DGKB: variants seen among roughly 807,000 people sequenced by gnomAD.
DGKB encodes the protein 90 kDa diacylglycerol kinase.
Under a neutral mutation model 114.3 loss-of-function variants are expected in DGKB, and 67 were observed. The ratio of observed to expected loss-of-function variants is 0.59; its 90% CI spans 0.48 to 0.72. The LOEUF is 0.72. Among genes scored for constraint, DGKB ranks in the 30% least tolerant of loss-of-function variants. The pLI is 0.00. For synonymous variants in DGKB, 398 were observed against 323.1 expected, an observed-to-expected ratio of 1.23 and a Z score of -2.49; for missense variants, 907 against 975.2, an observed-to-expected ratio of 0.93 and a Z score of 0.93.
intron 23 of DGKB, among the ~76,000 whole-genome samples, chr7:14,306,989 T>G (rs73263911): frequency 0.039 from 5,899 of 152,218 alleles, 355 homozygotes; most frequent in African/African-American, 0.13. Context: ...CCCTAATCTT[T>G]TCAACAGATT....
intron 21 of DGKB, among the ~76,000 whole-genome samples, chr7:14,457,450 T>TA (rs1563223067): frequency 6.6e-6 from 1 of 152,224 alleles, no homozygotes. Context: ...TTGGAAACTT[T>TA]AAAAAATAAT....
At position 14,567,280 on chromosome 7, in the gene DGKB, TTA is replaced by T. The variant is rs568238983; in HGVS notation, c.1770+6930_1770+6931del. On this transcript the variant is annotated intron_variant, in intron 20 of 25. Coordinates refer to ENST00000402815, the MANE Select transcript of DGKB (RefSeq NM_001350709.2). ...TTTATATATTATATATATAATTATA[TTA>T]TATATATAATATATTTATATATTAT... is the stretch of plus-strand genomic sequence containing the variant. Among the ~76,000 whole-genome samples the T allele has an allele frequency of 2.0e-3, 107 of 52,308 alleles. 8 individuals carry two copies. The highest frequency in any genetic ancestry group is 8.6e-3 in the African/African-American group (99 of 11,520). 34.3% of individuals were successfully genotyped at this position (52,308 alleles called of 152,430 possible). A position where few individuals can be genotyped will look rare whatever the true frequency, so the allele number is the denominator to read the frequency against.
At chr7:14,170,145 A>AAAAGAAAGAAAGAAAGAAAGAAAGAAAAG (rs1780687222) in intron 25 of DGKB, among the ~76,000 whole-genome samples, 1 of 99,982 alleles carries the variant, frequency 1.0e-5, no homozygotes, top group Non-Finnish European at 2.0e-5. Flanking sequence ...AAAAAAAAAA[A>AAAAGAAAGAAAGAAAGAAAGAAAGAAAAG]AAAGAAAGAA....
intron 4 of DGKB, among the ~76,000 whole-genome samples, chr7:14,739,360 G>C (rs999647269): frequency 2.6e-5 from 4 of 152,150 alleles, no homozygotes; most frequent in African/African-American, 9.7e-5. Context: ...ATGTGCACTG[G>C]AAAAATGGGG....
chr7:14,960,006 G>C (rs988809967), intron 1 of DGKB, among the ~76,000 whole-genome samples: 13 of 152,096 alleles, frequency 8.5e-5, no homozygotes, highest in Admixed American at 4.6e-4. Flanking sequence ...GGTCACACTG[G>C]CTGTATTTTT....
chr7:14,886,246 G>T (rs1208851735), intron 1 of DGKB, among the ~76,000 whole-genome samples: 1 of 151,826 alleles, frequency 6.6e-6, no homozygotes, highest in Non-Finnish European at 1.5e-5. Context: ...GAGGTTACTA[G>T]AAAGAGGGAC....
intron 20 of DGKB, among the ~76,000 whole-genome samples, chr7:14,537,263 A>C (rs1298631472): frequency 6.6e-6 from 1 of 152,182 alleles, no homozygotes; most frequent in East Asian, 1.9e-4. Context: ...CTATATATTC[A>C]GTGCAATCCC....
intron 21 of DGKB, among the ~76,000 whole-genome samples, chr7:14,415,088 T>C (rs1825500476): frequency 1.3e-5 from 2 of 151,858 alleles, no homozygotes; most frequent in African/African-American, 4.8e-5. Context: ...ATACATTATA[T>C]AAGCATATGA....
chr7:14,387,892 T>C (rs947445421), intron 21 of DGKB, among the ~76,000 whole-genome samples: 2 of 151,036 alleles, frequency 1.3e-5, no homozygotes, highest in African/African-American at 4.9e-5. Flanking sequence ...TTTTTTTTTT[T>C]TTTTTTTGAC....
chr7:14,224,160 C>T (rs1405109317), intron 23 of DGKB, among the ~76,000 whole-genome samples: 1 of 151,806 alleles, frequency 6.6e-6, no homozygotes, highest in Non-Finnish European at 1.5e-5. Flanking sequence ...AGTACTCCAT[C>T]TTGCAATATG....
Position 14,230,955 on chromosome 7 carries a change from A to C in DGKB, c.2123-52804T>G, listed in dbSNP as rs534192321. Among the ~76,000 whole-genome samples the C allele has an allele frequency of 3.3e-5, 5 of 152,164 alleles. No individual in the cohort carries two copies. The South Asian group carries it at 8.3e-4, about 25-fold the overall frequency. On this transcript the variant is annotated intron_variant, in intron 23 of 25. Transcript: ENST00000402815. ...AACAATTAAATAATTACTATGTTAT[A>C]ATTTGTGTCTTGACTACTATTATGC...
At chr7:14,800,160 C>T (rs538219445) in intron 2 of DGKB, among the ~76,000 whole-genome samples, 1 of 152,278 alleles carries the variant, frequency 6.6e-6, no homozygotes, top group Admixed American at 6.5e-5. Context: ...TCATGATCCG[C>T]CCACCTCGGC....
intron 6 of DGKB, among the ~76,000 whole-genome samples, chr7:14,707,272 A>T (rs1327700444): frequency 6.7e-6 from 1 of 149,592 alleles, no homozygotes; most frequent in Non-Finnish European, 1.5e-5. Flanking sequence ...ACCAGGAAGA[A>T]GTTGAATCTC....
At chr7:14,584,463 A>C (rs1011670063) in intron 17 of DGKB, among the ~76,000 whole-genome samples, 1 of 152,148 alleles carries the variant, frequency 6.6e-6, no homozygotes, top group African/African-American at 2.4e-5. Context: ...AAAACACTAC[A>C]TATGAACAAC....
chr7:14,492,125 G>A (rs939742109), intron 20 of DGKB, among the ~76,000 whole-genome samples: 1 of 152,040 alleles, frequency 6.6e-6, no homozygotes, highest in African/African-American at 2.4e-5. Context: ...AAAATCTATT[G>A]TGTATCTAGA....
intron 25 of DGKB, 189 bp downstream of exon 25, chr7:14,176,650 T>C (rs1562538508): frequency 7.5e-7 from 1 of 1,324,746 alleles, no homozygotes; most frequent in Non-Finnish European, 9.7e-7. Flanking sequence ...AGCTAAATCA[T>C]TGCCAAGGGT....
intron 20 of DGKB, among the ~76,000 whole-genome samples, chr7:14,539,941 T>A (rs1190376232): frequency 6.6e-6 from 1 of 152,082 alleles, no homozygotes; most frequent in Non-Finnish European, 1.5e-5. Context: ...TTTTAATTAA[T>A]CTCGTGTAGC....
At chr7:14,683,726 T>C (rs1173803129) in intron 10 of DGKB, among the ~76,000 whole-genome samples, 3 of 152,018 alleles carry the variant, frequency 2.0e-5, no homozygotes, top group Non-Finnish European at 4.4e-5. Context: ...TGCCTCAAAT[T>C]AAAATGAAAA....
chr7:14,343,136 A>T (rs189306093), intron 22 of DGKB, among the ~76,000 whole-genome samples: 5 of 147,048 alleles, frequency 3.4e-5, no homozygotes, highest in African/African-American at 7.6e-5. Flanking sequence ...GTGAGCAGAG[A>T]AGCAGATTTT....
Sources: allele counts gnomAD v4.1 joint callset (sites outside exome capture counted in the v4.1 genomes callset), GRCh38; gene constraint gnomAD v4.1.1; transcripts MANE v1.5; gene names NCBI Gene and HGNC (gene_info 2026-07-23, HGNC 2026-07-21).